The following PLXNA4 variants were observed in gnomAD, a reference collection of about 807,000 sequenced individuals.
PLXNA4 encodes plexin A4.
In PLXNA4, 44 loss-of-function variants were observed where a neutral mutation model predicts 191.8. That is an observed-to-expected ratio of 0.23 (90% CI 0.18 to 0.29). PLXNA4 has a LOEUF of 0.29. Among genes scored for constraint, PLXNA4 ranks in the 10% least tolerant of loss-of-function variants. The probability of loss-of-function intolerance (pLI) is 1.00; values close to 1 mark genes in which losing one functional copy is unlikely to be tolerated. For synonymous variants in PLXNA4, 1,082 were observed against 1,009.5 expected, an observed-to-expected ratio of 1.07 and a Z score of -1.36; for missense variants, 1,800 against 2,488.8, an observed-to-expected ratio of 0.72 and a Z score of 5.89.
intron 1 of PLXNA4, among the ~76,000 whole-genome samples, chr7:132,540,817 G>C (rs57094425): frequency 0.05 from 7,650 of 151,742 alleles, 630 homozygotes; most frequent in African/African-American, 0.17. Flanking sequence ...TCGATCTCCT[G>C]ACCTCATGAT....
At chr7:132,312,482 G>A (rs1295652437) in intron 3 of PLXNA4, among the ~76,000 whole-genome samples, 1 of 151,966 alleles carries the variant, frequency 6.6e-6, no homozygotes, top group Non-Finnish European at 1.5e-5. Context: ...GTCAGGGGAT[G>A]GCACATTAAT....
chr7:132,402,504 TACAC>T (rs1280930168), intron 3 of PLXNA4, among the ~76,000 whole-genome samples: 1 of 152,138 alleles, frequency 6.6e-6, no homozygotes, highest in African/African-American at 2.4e-5. Context: ...TAGTCCAACA[TACAC>T]ACAGGGGAGA....
chr7:132,347,172 A>G (rs1286056967), intron 3 of PLXNA4, among the ~76,000 whole-genome samples: 1 of 152,210 alleles, frequency 6.6e-6, no homozygotes, highest in Non-Finnish European at 1.5e-5. Flanking sequence ...CTTGGATTAA[A>G]TAGCATCAAA....
chr7:132,305,398 A>G (rs1801477071), intron 3 of PLXNA4, among the ~76,000 whole-genome samples: 1 of 149,364 alleles, frequency 6.7e-6, no homozygotes, highest in African/African-American at 2.5e-5. Context: ...ACACACACAC[A>G]CACACACACT....
intron 3 of PLXNA4, among the ~76,000 whole-genome samples, chr7:132,329,228 C>T (rs902348194): frequency 1.3e-5 from 2 of 152,206 alleles, no homozygotes; most frequent in African/African-American, 4.8e-5. Context: ...CCATGCCTTC[C>T]TGTAGGTGGA....
chr7:132,518,813 T>C (rs76135716), intron 1 of PLXNA4, among the ~76,000 whole-genome samples: 1 of 152,046 alleles, frequency 6.6e-6, no homozygotes, highest in African/African-American at 2.4e-5. Flanking sequence ...CTCTGAGATG[T>C]TTATACATGG....
intron 3 of PLXNA4, among the ~76,000 whole-genome samples, chr7:132,352,073 T>G (rs1803510652): frequency 6.6e-6 from 1 of 152,160 alleles, no homozygotes; most frequent in South Asian, 2.1e-4. Flanking sequence ...TAATTGGATT[T>G]AAGGGCGAGG....
rs754527335 is a variant in PLXNA4 at position 132,130,569 on chromosome 7, A to G, written c.5595T>C (p.Leu1865=). 19 of 1,614,026 alleles carry G rather than the reference A, an allele frequency of 1.2e-5. No homozygotes were observed. The highest frequency in any genetic ancestry group is 1.6e-5 in the Non-Finnish European group (19 of 1,180,006). Residue 1865 remains leucine (L), a synonymous_variant, in exon 32 of 32, where the codon CTT becomes CTC. Coordinates refer to ENST00000321063, the MANE Select transcript of PLXNA4 (RefSeq NM_020911.2). ...SYVGKYSEEI[L]GPLDHDDQCG... Reference sequence around the variant, plus strand: ...ACTGGTCATCGTGGTCCAGAGGTCCAAGGATCTGCGGAAGGGCCAAGAACA... The same window carrying G: ...ACTGGTCATCGTGGTCCAGAGGTCCGAGGATCTGCGGAAGGGCCAAGAACA...
intron 4 of PLXNA4, among the ~76,000 whole-genome samples, chr7:132,270,777 T>G (rs1040492563): frequency 1.3e-5 from 2 of 152,252 alleles, no homozygotes; most frequent in Non-Finnish European, 2.9e-5. Context: ...TTAAAGTGCC[T>G]ACACAATATG....
At chr7:132,451,992 C>T (rs1346119651) in intron 3 of PLXNA4, among the ~76,000 whole-genome samples, 1 of 152,238 alleles carries the variant, frequency 6.6e-6, no homozygotes, top group Non-Finnish European at 1.5e-5. Flanking sequence ...AATATTACAT[C>T]ACACTCCCTG....
At chr7:132,571,581 G>A (rs549799116) in intron 1 of PLXNA4, among the ~76,000 whole-genome samples, 1 of 152,124 alleles carries the variant, frequency 6.6e-6, no homozygotes, top group Non-Finnish European at 1.5e-5. Context: ...CTTTGCCCAA[G>A]AGTGAAAAAA....
intron 3 of PLXNA4, among the ~76,000 whole-genome samples, chr7:132,396,417 C>T (rs749369274): frequency 7.9e-5 from 12 of 152,200 alleles, no homozygotes; most frequent in Admixed American, 3.3e-4. Context: ...AGCTAAGCCA[C>T]AGAGAGGTTA....
At position 132,198,573 on chromosome 7, in the gene PLXNA4, C is replaced by T; in HGVS notation, c.2650G>A (p.Gly884Ser). Reference protein sequence around the residue: ...TKVTIRGENLGLEFRDIASHV... With the variant: ...TKVTIRGENLSLEFRDIASHV... ...GAGGCGATGTCGCGAAATTCCAGGC[C>T]CAGGTTCTCCCCTCGGATAGTGACC... Residue 884 changes from glycine (G) to serine (S), a missense_variant, in exon 13 of 32, where the codon GGC (glycine) becomes AGC (serine). Gly to Ser is a moderately conservative substitution (Grantham distance 56). This residue lies in a region of PLXNA4 where 1,397 missense variants were observed against 1,880.4 expected (regional missense o/e 0.74). Transcript: ENST00000321063. 6.2e-7 allele frequency: 1 copy of T among 1,614,236 alleles called. No individual in the cohort carries two copies. The highest frequency in any genetic ancestry group is 8.5e-7 in the Non-Finnish European group (1 of 1,180,050).
At chr7:132,324,241 G>A (rs553205749) in intron 3 of PLXNA4, among the ~76,000 whole-genome samples, 14 of 152,252 alleles carry the variant, frequency 9.2e-5, no homozygotes, top group Middle Eastern at 3.4e-3. Flanking sequence ...GAGGAAAAAA[G>A]AGAAAAATTT....
chr7:132,441,588 C>T (rs1795701603), intron 3 of PLXNA4, among the ~76,000 whole-genome samples: 1 of 152,216 alleles, frequency 6.6e-6, no homozygotes, highest in South Asian at 2.1e-4. Context: ...TCCATGGGCT[C>T]ATTGCACTAA....
At chr7:132,549,717 C>T (rs191970111) in intron 1 of PLXNA4, among the ~76,000 whole-genome samples, 82 of 152,240 alleles carry the variant, frequency 5.4e-4, no homozygotes, top group African/African-American at 1.9e-3. Flanking sequence ...GCAGTCATGA[C>T]AATTGCTATT....
intron 3 of PLXNA4, among the ~76,000 whole-genome samples, chr7:132,484,399 C>T (rs1480899881): frequency 1.3e-5 from 2 of 152,198 alleles, no homozygotes; most frequent in East Asian, 1.9e-4. Context: ...CTGCCTGGAG[C>T]CCTTCAACCT....
At chr7:132,132,385 CTGT>C (rs1417392057) in intron 31 of PLXNA4, among the ~76,000 whole-genome samples, 1,642 of 46,326 alleles carry the variant, frequency 0.035, 44 homozygotes, top group African/African-American at 0.13. Flanking sequence ...TCTATTTGTT[CTGT>C]TCTGTTCTGT....
intron 4 of PLXNA4, among the ~76,000 whole-genome samples, chr7:132,296,749 T>A (rs1273441937): frequency 1.3e-5 from 2 of 151,906 alleles, no homozygotes; most frequent in Non-Finnish European, 2.9e-5. Flanking sequence ...GCCTCAGAGG[T>A]GGGCTTGGAG....
Sources: gnomAD v4.1 joint callset for allele counts (sites outside exome capture counted in the v4.1 genomes callset) on GRCh38, gnomAD v4.1.1 for gene constraint, gnomAD v4.1.1 regional missense constraint, MANE v1.5 for transcripts, NCBI Gene and HGNC (gene_info 2026-07-23, HGNC 2026-07-21) for gene names.